RTN4: variants seen among roughly 807,000 people sequenced by gnomAD.
The protein encoded by RTN4 is reticulon 4.
Under a neutral mutation model 90.4 loss-of-function variants are expected in RTN4, and 32 were observed. That is an observed-to-expected ratio of 0.35 (90% CI 0.27 to 0.48). The LOEUF is 0.48. Among genes scored for constraint, RTN4 ranks in the 20% least tolerant of loss-of-function variants. The pLI is 0.99. For synonymous variants in RTN4, 629 were observed against 552.5 expected (o/e 1.14, Z -1.94); for missense variants, 1,706 against 1,430.2 (o/e 1.19, Z -3.11).
the RTN4 span, among the ~76,000 whole-genome samples, chr2:55,128,676 A>T: frequency 3.9e-5 from 6 of 152,236 alleles, no homozygotes; most frequent in Non-Finnish European, 5.9e-5. Flanking sequence ...ACAATTCAGA[A>T]CAATGAAAGA....
At chr2:54,975,602 A>G (rs546868005) in intron 5 of RTN4, among the ~76,000 whole-genome samples, 1 of 152,270 alleles carries the variant, frequency 6.6e-6, no homozygotes, top group African/African-American at 2.4e-5. Flanking sequence ...AAAAATGTAC[A>G]CCACCCACTC....
intron 2 of RTN4, among the ~76,000 whole-genome samples, chr2:55,077,524 A>T (rs3099068): frequency 0.91 from 138,672 of 152,174 alleles, 63,278 homozygotes; most frequent in African/African-American, 0.96. Flanking sequence ...GGTGGGAATG[A>T]AAACTAGTAC....
the RTN4 span, among the ~76,000 whole-genome samples, chr2:55,128,229 T>C: frequency 6.6e-6 from 1 of 152,100 alleles, no homozygotes; most frequent in Non-Finnish European, 1.5e-5. Context: ...CTTATCTGCA[T>C]TGTTCTGGGA....
At chr2:55,120,961 C>G in the RTN4 span, among the ~76,000 whole-genome samples, 1 of 152,118 alleles carries the variant, frequency 6.6e-6, no homozygotes, top group Admixed American at 6.5e-5. Flanking sequence ...ATAAGGAAAC[C>G]CTGGTGGCCA....
chr2:55,045,589 G>A lies in RTN4; in HGVS notation c.556+4156C>T, dbSNP rs1283197303. Among the ~76,000 whole-genome samples, 3 of 152,026 alleles carry A rather than the reference G, an allele frequency of 2.0e-5. No individual in the cohort carries two copies. In the East Asian group the frequency reaches 5.8e-4, roughly 29 times the overall value. On this transcript the variant is annotated intron_variant, in intron 1 of 8. Transcript: ENST00000337526. Reference sequence around the variant, plus strand: ...TCAGTTCAAATAACCTTCAATGGCTGTCTTCCCAAAGCCAAAAGCTCTAAT... The same window carrying A: ...TCAGTTCAAATAACCTTCAATGGCTATCTTCCCAAAGCCAAAAGCTCTAAT...
At chr2:55,077,179 A>AT (rs1264794104) in intron 2 of RTN4, among the ~76,000 whole-genome samples, 2 of 151,706 alleles carry the variant, frequency 1.3e-5, no homozygotes, top group East Asian at 1.9e-4. Context: ...TGCCCTGCTA[A>AT]TTTTTTTGTA....
Position 55,014,873 on chromosome 2 carries a change from G to T in RTN4, c.3013+10213C>A, listed in dbSNP as rs540446345. 5.3e-5 allele frequency among the ~76,000 whole-genome samples: 8 copies of T among 152,144 alleles called. No homozygotes were observed. The South Asian group carries it at 1.0e-3, about 20-fold the overall frequency. On this transcript the variant is annotated intron_variant, in intron 3 of 8. Coordinates refer to ENST00000337526, the MANE Select transcript of RTN4 (RefSeq NM_020532.5). ...ATTAATAGTCACTAGGCCCTAAACA[G>T]ATCTTCTTAAACTTTAATGTCTTCA... is the stretch of plus-strand genomic sequence containing the variant.
Position 55,025,834 on chromosome 2 carries a change from G to C in RTN4, c.2265C>G (p.Asp755Glu), listed in dbSNP as rs199526754. The change falls in exon 3 of 9, where the codon GAC (aspartate) becomes GAG (glutamate). Residue 755 changes from aspartate to glutamate, a missense_variant. Coordinates refer to ENST00000337526, the MANE Select transcript of RTN4 (RefSeq NM_020532.5). Reference sequence around the variant, plus strand: ...CAGTTTCATCTTGTTTTTGTGGAACGTCAGGTATTGAATCATCACTAAATA... The same window carrying C: ...CAGTTTCATCTTGTTTTTGTGGAACCTCAGGTATTGAATCATCACTAAATA... ...VDLFSDDSIP[D>E]VPQKQDETVM... 3 of 1,613,586 alleles carry C rather than the reference G, an allele frequency of 1.9e-6. No individual in the cohort carries two copies. Among genetic ancestry groups the C allele is most frequent in the Middle Eastern group, 1.7e-4 (1 of 6,058 alleles).
intron 1 of RTN4, among the ~76,000 whole-genome samples, chr2:55,106,452 T>G (rs1159140140): frequency 6.6e-6 from 1 of 152,110 alleles, no homozygotes; most frequent in East Asian, 1.9e-4. Flanking sequence ...CACACAGTTG[T>G]GAGAGGAAAG....
At chr2:54,988,353 T>TG (rs2104678842) in intron 3 of RTN4, among the ~76,000 whole-genome samples, 1 of 152,236 alleles carries the variant, frequency 6.6e-6, no homozygotes, top group African/African-American at 2.4e-5. Context: ...TCTCATACAA[T>TG]GCATGCTATA....
chr2:55,126,288 G>A, the RTN4 span, among the ~76,000 whole-genome samples: 1 of 151,748 alleles, frequency 6.6e-6, no homozygotes, highest in Non-Finnish European at 1.5e-5. Context: ...AGAATCGCTT[G>A]AACCTGGGAG....
At chr2:54,984,569 A>G (rs1257218365) in intron 4 of RTN4, among the ~76,000 whole-genome samples, 1 of 152,214 alleles carries the variant, frequency 6.6e-6, no homozygotes, top group African/African-American at 2.4e-5. Flanking sequence ...AGAAGCCATA[A>G]AGACAGTACT....
In RTN4 at chr2:55,026,679, T is replaced by C; in HGVS notation, c.1420A>G (p.Ser474Gly). 1.2e-6 allele frequency: 2 copies of C among 1,613,812 alleles called. No individual in the cohort carries two copies. Among genetic ancestry groups the C allele is most frequent in the Non-Finnish European group, 1.7e-6 (2 of 1,179,876 alleles). ...AAAGGAAAAATGTTTGTTGCAATGC[T>C]CTCAGTTGCTGCTGGGTTAAAGGGA... ...CAPFNPAATESIATNIFPLLG... is the reference protein window; with the variant it reads ...CAPFNPAATEGIATNIFPLLG... Residue 474 changes from serine (S) to glycine (G), a missense_variant, in exon 3 of 9, where the codon AGC becomes GGC. Ser to Gly is a moderately conservative substitution (Grantham distance 56, BLOSUM62 0). Transcript: ENST00000337526.
chr2:55,021,391 G>C (rs1681419321), intron 3 of RTN4, among the ~76,000 whole-genome samples: 1 of 143,334 alleles, frequency 7.0e-6, no homozygotes, highest in African/African-American at 2.5e-5. Context: ...CTTTTTCCCT[G>C]CCCCCCCCGC....
chr2:55,049,590 C>G, intron 1 of RTN4, 155 bp downstream of exon 1: 1 of 1,282,790 alleles, frequency 7.8e-7, no homozygotes, highest in South Asian at 1.3e-5. Flanking sequence ...CCCTTCTCCC[C>G]GCGCTTCCAA....
At chr2:55,131,807 C>T in the RTN4 span, among the ~76,000 whole-genome samples, 1 of 152,098 alleles carries the variant, frequency 6.6e-6, no homozygotes, top group African/African-American at 2.4e-5. Flanking sequence ...TTGCTTGAAC[C>T]CAGGAGGCGG....
At chr2:55,032,797 G>A (rs1451965535) in intron 1 of RTN4, among the ~76,000 whole-genome samples, 1 of 152,148 alleles carries the variant, frequency 6.6e-6, no homozygotes, top group African/African-American at 2.4e-5. Context: ...GGAGGCCAAA[G>A]TGGGAGGACC....
At chr2:55,031,268 AG>A (rs1278489872) in intron 1 of RTN4, among the ~76,000 whole-genome samples, 1 of 152,224 alleles carries the variant, frequency 6.6e-6, no homozygotes, top group East Asian at 1.9e-4. Flanking sequence ...TCCTGAGAAA[AG>A]GGAAACCTGC....
At chr2:55,107,978 A>G (rs561244664) in intron 1 of RTN4, among the ~76,000 whole-genome samples, 1 of 151,228 alleles carries the variant, frequency 6.6e-6, no homozygotes, top group East Asian at 1.9e-4. Flanking sequence ...TTTGAGATGG[A>G]GTCTTGCTCT....
Sources: allele counts gnomAD v4.1 joint callset (sites outside exome capture counted in the v4.1 genomes callset), GRCh38; gene constraint gnomAD v4.1.1; transcripts MANE v1.5; gene names NCBI Gene and HGNC (gene_info 2026-07-23, HGNC 2026-07-21).